DLC1: variants seen among roughly 807,000 people sequenced by gnomAD.
DLC1 encodes DLC1 Rho GTPase activating protein, also known as rho GTPase-activating protein 7.
In DLC1, 54 loss-of-function variants were observed where a neutral mutation model predicts 140.3. The observed-to-expected ratio is 0.38, with a 90% CI of 0.31 to 0.48. The LOEUF is 0.48. Among genes scored for constraint, DLC1 ranks in the 20% least tolerant of loss-of-function variants. The probability of loss-of-function intolerance (pLI) is 0.96; values close to 1 mark genes in which losing one functional copy is unlikely to be tolerated. For synonymous variants in DLC1, 986 were observed against 728.1 expected (o/e 1.35, Z -5.70); for missense variants, 2,536 against 1,907.0 (o/e 1.33, Z -6.14).
intron 4 of DLC1, among the ~76,000 whole-genome samples, chr8:13,366,977 C>T (rs1182672843): frequency 3.3e-5 from 5 of 152,124 alleles, no homozygotes; most frequent in African/African-American, 9.7e-5. Context: ...CTTTTCAACC[C>T]TCATTCCTGT....
intron 5 of DLC1, among the ~76,000 whole-genome samples, chr8:13,182,005 C>A (rs1341766152): frequency 6.6e-6 from 1 of 152,090 alleles, no homozygotes; most frequent in East Asian, 1.9e-4. Flanking sequence ...CCTGTTGTTT[C>A]CTGACTTTTT....
intron 1 of DLC1, among the ~76,000 whole-genome samples, chr8:13,505,329 A>G (rs901459439): frequency 2.0e-5 from 3 of 151,960 alleles, no homozygotes; most frequent in Non-Finnish European, 2.9e-5. Flanking sequence ...GCAGGAAGTT[A>G]ACAGATAATG....
At chr8:13,241,539 A>G (rs917784911) in intron 5 of DLC1, among the ~76,000 whole-genome samples, 4 of 152,308 alleles carry the variant, frequency 2.6e-5, no homozygotes, top group East Asian at 1.9e-4. Context: ...CTTAAAACTG[A>G]TATTTCAGTA....
At chr8:13,422,530 C>T (rs999815314) in intron 2 of DLC1, among the ~76,000 whole-genome samples, 49 of 151,892 alleles carry the variant, frequency 3.2e-4, no homozygotes, top group Admixed American at 1.2e-3. Context: ...TCCTAGAAAA[C>T]TCTGCACGTT....
chr8:13,597,312 G>C (rs181454851), intron 1 of DLC1, among the ~76,000 whole-genome samples: 1 of 152,018 alleles, frequency 6.6e-6, no homozygotes, highest in African/African-American at 2.4e-5. Flanking sequence ...GACAGAAGAC[G>C]TGATTAGGCC....
intron 5 of DLC1, among the ~76,000 whole-genome samples, chr8:13,123,489 C>T (rs1029425073): frequency 1.8e-4 from 27 of 150,824 alleles, no homozygotes; most frequent in African/African-American, 4.9e-4. Context: ...TACAGGCGCC[C>T]GCCACCACAA....
rs953558991 is a variant in DLC1 at position 13,115,550 on chromosome 8, T to A, written c.1420+36A>T. On this transcript the variant is annotated intron_variant, in intron 6 of 17. Coordinates refer to ENST00000276297, the MANE Select transcript of DLC1 (RefSeq NM_182643.3). The stretch of plus-strand genomic sequence containing the variant: ...ATACTCGCGAACAAGGGATTATGAT[T>A]ATGCCAACTTTTAAAAAGTGGCATT... The A allele has an allele frequency of 3.1e-6, 5 of 1,587,384 alleles. No homozygotes were observed. In the East Asian group the frequency reaches 1.1e-4, roughly 36 times the overall value.
intron 2 of DLC1, 122 bp from the exon 3 acceptor site, chr8:13,401,741 A>G (rs1221020547): frequency 7.7e-7 from 1 of 1,295,560 alleles, no homozygotes; most frequent in Non-Finnish European, 1.0e-6. Flanking sequence ...TAATTAGAAG[A>G]GAAGTTCCAT....
At chr8:13,270,399 G>A (rs1033125447) in intron 5 of DLC1, among the ~76,000 whole-genome samples, 2 of 152,186 alleles carry the variant, frequency 1.3e-5, no homozygotes, top group Non-Finnish European at 2.9e-5. Context: ...TTGACATTTA[G>A]CATATTTTTT....
At chr8:13,478,255 G>A (rs1800529731) in intron 2 of DLC1, among the ~76,000 whole-genome samples, 1 of 152,114 alleles carries the variant, frequency 6.6e-6, no homozygotes, top group African/African-American at 2.4e-5. Context: ...GTGAGTGAGA[G>A]AGAGAAGGGG....
intron 1 of DLC1, among the ~76,000 whole-genome samples, chr8:13,521,378 A>G (rs1802760502): frequency 6.6e-6 from 1 of 151,766 alleles, no homozygotes; most frequent in Non-Finnish European, 1.5e-5. Context: ...AAACCTACAC[A>G]TTCTGCACAT....
chr8:13,163,374 A>G (rs1387354733), intron 5 of DLC1, among the ~76,000 whole-genome samples: 2 of 152,198 alleles, frequency 1.3e-5, no homozygotes, highest in African/African-American at 4.8e-5. Context: ...CCTTCTGGAA[A>G]GCACCTAGGA....
At chr8:13,435,899 G>C (rs978069341) in intron 2 of DLC1, among the ~76,000 whole-genome samples, 9 of 152,134 alleles carry the variant, frequency 5.9e-5, no homozygotes, top group African/African-American at 2.2e-4. Context: ...AATTGCCATG[G>C]CCATTCCAAC....
intron 1 of DLC1, among the ~76,000 whole-genome samples, chr8:13,502,088 T>G (rs1248982381): frequency 6.6e-6 from 1 of 152,232 alleles, no homozygotes; most frequent in East Asian, 1.9e-4. Flanking sequence ...AAATATAGTT[T>G]TATTAACTTT....
chr8:13,106,594 T>C (rs572978386), intron 7 of DLC1, among the ~76,000 whole-genome samples: 1 of 152,306 alleles, frequency 6.6e-6, no homozygotes, highest in Admixed American at 6.5e-5. Context: ...CAAGGGATCC[T>C]CCCATCTTGG....
At chr8:13,516,647 T>C (rs535474939), upstream of DLC1, among the ~76,000 whole-genome samples, 4 of 152,296 alleles carry the variant, frequency 2.6e-5, no homozygotes, top group African/African-American at 9.6e-5. Flanking sequence ...TAGATCAAAG[T>C]CTTATTGACT....
intron 2 of DLC1, among the ~76,000 whole-genome samples, chr8:13,447,421 G>A (rs1156941308): frequency 1.3e-5 from 2 of 152,254 alleles, no homozygotes; most frequent in East Asian, 3.9e-4. Flanking sequence ...CAAATATGTG[G>A]CTGTGGGGAC....
At chr8:13,142,236 G>A (rs1234073702) in intron 5 of DLC1, among the ~76,000 whole-genome samples, 3 of 152,162 alleles carry the variant, frequency 2.0e-5, no homozygotes, top group Non-Finnish European at 4.4e-5. Flanking sequence ...ACCCAGTCTT[G>A]GGTATTTCTT....
intron 5 of DLC1, among the ~76,000 whole-genome samples, chr8:13,296,705 T>C (rs1653022): frequency 1 from 151,129 of 151,764 alleles, 75,249 homozygotes; most frequent in Middle Eastern, 1. Context: ...AAAAACGAAA[T>C]GGGAGGTTTC....
Sources: allele counts gnomAD v4.1 joint callset (sites outside exome capture counted in the v4.1 genomes callset), GRCh38; gene constraint gnomAD v4.1.1; transcripts MANE v1.5; gene names NCBI Gene and HGNC (gene_info 2026-07-23, HGNC 2026-07-21).